PLCZ1: variants seen among roughly 807,000 people sequenced by gnomAD.
PLCZ1 encodes the protein 1-phosphatidylinositol 4,5-bisphosphate phosphodiesterase zeta-1.
PLCZ1 carries 64 observed loss-of-function variants against 76.8 expected under a neutral mutation model. The observed-to-expected ratio is 0.83, with a 90% CI of 0.68 to 1.03. The LOEUF (loss-of-function observed/expected upper bound fraction) is 1.03, where lower values mean the gene tolerates loss of function less well. PLCZ1 is among the 50% of genes least tolerant of loss of function. The probability of loss-of-function intolerance (pLI) is 0.00; values close to 1 mark genes in which losing one functional copy is unlikely to be tolerated. For missense variants in PLCZ1, 751 were observed against 713.7 expected (o/e 1.05, Z -0.60); for synonymous variants, 248 against 230.8 (o/e 1.07, Z -0.68).
rs549659559 is a variant in PLCZ1 at position 18,701,116 on chromosome 12, T to C, written c.1017+385A>G. On this transcript the variant is annotated intron_variant, in intron 9 of 14. Coordinates refer to ENST00000266505, the MANE Select transcript of PLCZ1 (RefSeq NM_033123.4). ...TCTCCTGCTTCAGCGTCACAAGTAG[T>C]TGGAACTACAGGCATGCGTCACCAT... is the stretch of plus-strand genomic sequence containing the variant. Among the ~76,000 whole-genome samples the C allele has an allele frequency of 2.0e-5, 3 of 151,884 alleles. No individual in the cohort carries two copies. In the East Asian group the frequency reaches 5.9e-4, roughly 30 times the overall value.
chr12:18,647,559 G>A, the PLCZ1 span, among the ~76,000 whole-genome samples: 1 of 151,788 alleles, frequency 6.6e-6, no homozygotes, highest in Non-Finnish European at 1.5e-5. Context: ...TATTTATGGG[G>A]TATAAAAGGT....
chr12:18,701,625 TCCTCCTC>T, intron 8 of PLCZ1, 57 bp from the exon 9 acceptor site: 1 of 1,556,296 alleles, frequency 6.4e-7, no homozygotes, highest in Non-Finnish European at 8.7e-7. Flanking sequence ...CTCCTCCTCC[TCCTCCTC>T]CTCCTCCTCC....
intron 6 of PLCZ1, among the ~76,000 whole-genome samples, chr12:18,711,667 T>C (rs1957362257): frequency 6.6e-6 from 1 of 151,830 alleles, no homozygotes; most frequent in African/African-American, 2.4e-5. Flanking sequence ...ATGAAAGTTG[T>C]CATTGATGAG....
At chr12:18,647,311 AAGG>A in the PLCZ1 span, among the ~76,000 whole-genome samples, 1 of 152,032 alleles carries the variant, frequency 6.6e-6, no homozygotes, top group Non-Finnish European at 1.5e-5. Context: ...AAGAAACAAG[AAGG>A]AGACCAAGGG....
the PLCZ1 span, among the ~76,000 whole-genome samples, chr12:18,676,758 C>T: frequency 6.6e-6 from 1 of 151,976 alleles, no homozygotes; most frequent in Non-Finnish European, 1.5e-5. Context: ...TCAGCAAAGT[C>T]CTAAAAGGTA....
At chr12:18,737,192 A>G (rs1230963306) in intron 2 of PLCZ1, among the ~76,000 whole-genome samples, 169 bp downstream of exon 2, 2 of 152,196 alleles carry the variant, frequency 1.3e-5, no homozygotes, top group African/African-American at 4.8e-5. Flanking sequence ...AGAAAAAGAT[A>G]CCAGAATGCA....
chr12:18,737,473 A>G lies in PLCZ1; in HGVS notation c.-102T>C. 1 of 1,518,272 alleles carries G rather than the reference A, an allele frequency of 6.6e-7. No individual in the cohort carries two copies. 94.1% of individuals were successfully genotyped at this position (1,518,272 alleles called of 1,614,324 possible). A position where few individuals can be genotyped will look rare whatever the true frequency, so the allele number is the denominator to read the frequency against. On this transcript the variant is annotated 5_prime_UTR_variant, in exon 2 of 15. Coordinates refer to ENST00000266505, the MANE Select transcript of PLCZ1 (RefSeq NM_033123.4). ...CAATTAACTCTGCCCCTTTGCAGAA[A>G]ATAATTTCTTGATACTCATCAGCTG...
At chr12:18,652,379 G>A in the PLCZ1 span, among the ~76,000 whole-genome samples, 2 of 152,068 alleles carry the variant, frequency 1.3e-5, no homozygotes, top group African/African-American at 4.8e-5. Context: ...TACAAGTCAA[G>A]GAATGCTAAA....
chr12:18,736,115 A>T, intron 3 of PLCZ1, 106 bp downstream of exon 3: 1 of 1,297,176 alleles, frequency 7.7e-7, no homozygotes, highest in Non-Finnish European at 1.1e-6. Context: ...TAGTTAGTAT[A>T]ATTAATTGCT....
the PLCZ1 span, among the ~76,000 whole-genome samples, chr12:18,650,626 T>C: frequency 2.1e-5 from 3 of 143,820 alleles, no homozygotes; most frequent in Non-Finnish European, 3.1e-5. Flanking sequence ...TCACTTGAAA[T>C]ACACGAAATA....
chr12:18,707,625 T>A (rs760897787), intron 6 of PLCZ1, among the ~76,000 whole-genome samples: 7 of 152,170 alleles, frequency 4.6e-5, no homozygotes, highest in Non-Finnish European at 1.0e-4. Context: ...AAACTTAGAT[T>A]TCTTATGTAT....
chr12:18,681,154 G>A (rs1420451200), downstream of PLCZ1, among the ~76,000 whole-genome samples: 1 of 151,984 alleles, frequency 6.6e-6, no homozygotes, highest in Non-Finnish European at 1.5e-5. Context: ...CGACAGTTTA[G>A]CTGTGAGCTC....
At chr12:18,647,254 T>C in the PLCZ1 span, among the ~76,000 whole-genome samples, 3 of 152,070 alleles carry the variant, frequency 2.0e-5, no homozygotes, top group African/African-American at 4.8e-5. Context: ...GTCTGTTTCA[T>C]GGCCACAGAG....
At chr12:18,678,922 T>C (rs147470728), downstream of PLCZ1, among the ~76,000 whole-genome samples, 529 of 152,156 alleles carry the variant, frequency 3.5e-3, no homozygotes, top group African/African-American at 0.012. Context: ...GGTCAAACTG[T>C]TTTCACAGTG....
the PLCZ1 span, chr12:18,647,934 G>C: frequency 6.3e-7 from 1 of 1,599,370 alleles, no homozygotes; most frequent in Non-Finnish European, 8.5e-7. Context: ...ATTGTGAAGA[G>C]TAAAACTGTA....
the PLCZ1 span, among the ~76,000 whole-genome samples, chr12:18,658,819 C>T: frequency 6.6e-6 from 1 of 152,118 alleles, no homozygotes; most frequent in Admixed American, 6.6e-5. Flanking sequence ...ACAATAGAAT[C>T]TAATTCACCT....
intron 3 of PLCZ1, among the ~76,000 whole-genome samples, chr12:18,733,971 A>T (rs573113209): frequency 9.2e-5 from 14 of 152,096 alleles, no homozygotes; most frequent in Non-Finnish European, 2.1e-4. Flanking sequence ...TTCCAATATG[A>T]ATTTTAGGAT....
chr12:18,707,015 T>C (rs1417440289), intron 6 of PLCZ1, among the ~76,000 whole-genome samples: 1 of 152,162 alleles, frequency 6.6e-6, no homozygotes, highest in Non-Finnish European at 1.5e-5. Context: ...TGGCCACATC[T>C]CTCTAATCTC....
At chr12:18,654,141 C>A in the PLCZ1 span, among the ~76,000 whole-genome samples, 2 of 151,682 alleles carry the variant, frequency 1.3e-5, no homozygotes, top group South Asian at 2.1e-4. Flanking sequence ...ACAGACTGGG[C>A]AGATATGAAG....
Sources: gnomAD v4.1 joint callset for allele counts (sites outside exome capture counted in the v4.1 genomes callset) on GRCh38, gnomAD v4.1.1 for gene constraint, MANE v1.5 for transcripts, NCBI Gene and HGNC (gene_info 2026-07-23, HGNC 2026-07-21) for gene names.